Variants in HEPHL1 observed in about 807,000 individuals in gnomAD.
The protein encoded by HEPHL1 is hephaestin like 1.
A neutral mutation model predicts 122.0 loss-of-function variants in HEPHL1; 123 were observed. The ratio of observed to expected loss-of-function variants is 1.01; its 90% CI spans 0.87 to 1.17. The LOEUF (loss-of-function observed/expected upper bound fraction) is 1.17. HEPHL1 is among the 50% of genes most tolerant of loss of function. The pLI is 0.00. For synonymous variants in HEPHL1, 527 were observed against 508.9 expected, an observed-to-expected ratio of 1.04 and a Z score of -0.48; for missense variants, 1,452 against 1,430.5, an observed-to-expected ratio of 1.01 and a Z score of -0.24.
rs1273899157 is a variant in HEPHL1 at position 94,093,505 on chromosome 11, G to A, written c.2299G>A (p.Gly767Arg). Residue 767 changes from glycine to arginine, a missense_variant, in exon 13 of 20, where the codon GGA (glycine) becomes AGA (arginine). By Grantham distance (125) the Gly-to-Arg change is moderately radical. Transcript: ENST00000315765. ...TCTGATGCTTCTGATTTGCAGACAT[G>A]GAGATATATTTATGAACCGCACTGA... ...QHVDARGERHGDIFMNRTENW... is the reference protein window; with the variant it reads ...QHVDARGERHRDIFMNRTENW... 6.2e-7 allele frequency: 1 copy of A among 1,613,364 alleles called. No individual in the cohort carries two copies. The highest frequency in any genetic ancestry group is 1.1e-5 in the South Asian group (1 of 90,960).
At chr11:94,107,573 A>G (rs1277022948) in intron 17 of HEPHL1, among the ~76,000 whole-genome samples, 1 of 152,116 alleles carries the variant, frequency 6.6e-6, no homozygotes, top group African/African-American at 2.4e-5. Flanking sequence ...ACTTCCCCAT[A>G]CTTAACACTT....
intron 13 of HEPHL1, among the ~76,000 whole-genome samples, chr11:94,097,389 T>G (rs1325550365): frequency 1.3e-5 from 2 of 152,208 alleles, no homozygotes; most frequent in Non-Finnish European, 2.9e-5. Context: ...AGACAGTTTG[T>G]TATAATTTCT....
chr11:94,036,238 T>A (rs1945721686), intron 1 of HEPHL1, among the ~76,000 whole-genome samples: 1 of 152,054 alleles, frequency 6.6e-6, no homozygotes, highest in Admixed American at 6.6e-5. Flanking sequence ...CTGGACAGAA[T>A]AGGAATTCAA....
At position 94,086,077 on chromosome 11, in the gene HEPHL1, G is replaced by A. The variant is rs1946215191; in HGVS notation, c.1968G>A (p.Met656Ile). Residue 656 changes from methionine to isoleucine, a missense_variant, in exon 11 of 20, where the codon ATG becomes ATA. Coordinates refer to ENST00000315765, the MANE Select transcript of HEPHL1 (RefSeq NM_001098672.2). The stretch of plus-strand genomic sequence containing the variant: ...TTGGATTGGGCACTGACACTGACAT[G>A]CATGGAATTGTTTTTCAAGGGAACA... ...HLIGLGTDTDMHGIVFQGNTI... is the reference protein window; with the variant it reads ...HLIGLGTDTDIHGIVFQGNTI... 26 of 1,613,762 alleles carry A rather than the reference G, an allele frequency of 1.6e-5. No individual in the cohort carries two copies. Among genetic ancestry groups the A allele is most frequent in the Non-Finnish European group, 2.2e-5 (26 of 1,179,788 alleles).
At chr11:94,105,919 C>A in intron 16 of HEPHL1, 72 bp from the exon 17 acceptor site, 3 of 1,054,286 alleles carry the variant, frequency 2.8e-6, no homozygotes, top group Non-Finnish European at 4.0e-6. Context: ...ACCTAAAGAT[C>A]TTCTGGAAAC....
intron 1 of HEPHL1, among the ~76,000 whole-genome samples, chr11:94,032,432 G>C (rs1268386925): frequency 6.6e-6 from 1 of 152,170 alleles, no homozygotes; most frequent in Non-Finnish European, 1.5e-5. Context: ...TTTTTAGCTT[G>C]ACTTTTAAAC....
At chr11:94,084,781 A>AT (rs200433965) in intron 10 of HEPHL1, among the ~76,000 whole-genome samples, 3,310 of 151,810 alleles carry the variant, frequency 0.022, 64 homozygotes, top group South Asian at 0.038. Flanking sequence ...ATTATCAAAG[A>AT]TTTTTTTTTC....
intron 2 of HEPHL1, among the ~76,000 whole-genome samples, chr11:94,052,196 G>A (rs1945896281): frequency 6.6e-6 from 1 of 151,682 alleles, no homozygotes; most frequent in Non-Finnish European, 1.5e-5. Context: ...TATTTTGATA[G>A]GGATTGCTTT....
chr11:94,078,874 C>T (rs1363672073), intron 9 of HEPHL1, among the ~76,000 whole-genome samples: 1 of 152,050 alleles, frequency 6.6e-6, no homozygotes, highest in Admixed American at 6.6e-5. Context: ...TCAGAAACAT[C>T]CAGGATAATG....
intron 6 of HEPHL1, 48 bp downstream of exon 6, chr11:94,070,590 G>A (rs1946067400): frequency 1.4e-6 from 2 of 1,469,182 alleles, no homozygotes; most frequent in Non-Finnish European, 1.9e-6. Flanking sequence ...AGAGAAGCAT[G>A]TGTTAGGCTT....
intron 1 of HEPHL1, among the ~76,000 whole-genome samples, chr11:94,044,700 TCTC>T (rs1945817464): frequency 6.6e-6 from 1 of 151,780 alleles, no homozygotes; most frequent in Admixed American, 6.6e-5. Flanking sequence ...CAATCCTACT[TCTC>T]CTTAATTCTT....
At chr11:94,080,211 A>G (rs1946159432) in intron 9 of HEPHL1, among the ~76,000 whole-genome samples, 1 of 152,240 alleles carries the variant, frequency 6.6e-6, no homozygotes, top group African/African-American at 2.4e-5. Flanking sequence ...TTCCCTATTT[A>G]ATAAGTGATG....
chr11:94,090,371 G>A (rs1946256046), intron 12 of HEPHL1, among the ~76,000 whole-genome samples: 1 of 152,184 alleles, frequency 6.6e-6, no homozygotes, highest in Non-Finnish European at 1.5e-5. Flanking sequence ...GCCCATGAAT[G>A]TATAAAAATA....
At chr11:94,084,712 T>A (rs1347431874) in intron 10 of HEPHL1, among the ~76,000 whole-genome samples, 1 of 152,222 alleles carries the variant, frequency 6.6e-6, no homozygotes. Flanking sequence ...CACCTTGATT[T>A]ATACTCAGAT....
At position 94,104,741 on chromosome 11, in the gene HEPHL1, A is replaced by C; in HGVS notation, c.2896A>C (p.Arg966=). 3.1e-6 allele frequency: 5 copies of C among 1,611,268 alleles called. No homozygotes were observed. The highest frequency in any genetic ancestry group is 4.2e-6 in the Non-Finnish European group (5 of 1,177,454). The change falls in exon 16 of 20, where the codon AGA becomes CGA. Residue 966 remains arginine (R), a synonymous_variant. Coordinates refer to ENST00000315765, the MANE Select transcript of HEPHL1 (RefSeq NM_001098672.2). ...CACTGATGATTTTGAGGAAAGCAAC[A>C]GAATGCATGGTATATCCAAAGTTTA... ...KRTDDFEESN[R]MHAINGKIFG... is the part of the protein sequence containing the mutation.
Position 94,045,846 on chromosome 11 carries a change from AT to A in HEPHL1, c.347del (p.Leu116Ter). ...RAEVGDVIVI[H>X]LKNFASRPYS... ...GAAGTGGGTGATGTGATTGTCATTC[AT>A]TTAAAGAACTTTGCTTCTCGACCTT... On this transcript the variant is annotated frameshift_variant, in exon 2 of 20. Transcript: ENST00000315765. LOFTEE classifies it high-confidence loss of function. 6.2e-7 allele frequency: 1 copy of A among 1,613,860 alleles called. No individual in the cohort carries two copies. Among genetic ancestry groups the A allele is most frequent in the South Asian group, 1.1e-5 (1 of 91,066 alleles).
At position 94,110,947 on chromosome 11, in the gene HEPHL1, G is replaced by A. The variant is rs540054496; in HGVS notation, c.3090G>A (p.Gly1030=). 12 of 1,612,948 alleles carry A rather than the reference G, an allele frequency of 7.4e-6. No individual in the cohort carries two copies. In the South Asian group the frequency reaches 1.1e-4, roughly 15 times the overall value. Residue 1030 remains glycine (G), a synonymous_variant, in exon 18 of 20, where the codon GGG becomes GGA. Transcript: ENST00000315765. ...YREDVYDLFP[G]TFQTIELFAD... is the part of the protein sequence containing the mutation. ...AAGATGTGTATGATCTCTTTCCTGG[G>A]ACATTCCAAACCATTGAACTGTTTG...
intron 1 of HEPHL1, among the ~76,000 whole-genome samples, chr11:94,027,818 C>T (rs1446848425): frequency 6.6e-6 from 1 of 152,100 alleles, no homozygotes; most frequent in Non-Finnish European, 1.5e-5. Context: ...ATAGGTGGTG[C>T]CAGGGACCCA....
intron 11 of HEPHL1, among the ~76,000 whole-genome samples, chr11:94,087,966 A>G (rs1187403842): frequency 2.6e-5 from 4 of 152,238 alleles, no homozygotes; most frequent in Non-Finnish European, 4.4e-5. Flanking sequence ...AGAGGCTACT[A>G]GAGAAAGGGG....
Sources: allele counts gnomAD v4.1 joint callset (sites outside exome capture counted in the v4.1 genomes callset), GRCh38; gene constraint gnomAD v4.1.1; transcripts MANE v1.5; gene names NCBI Gene and HGNC (gene_info 2026-07-23, HGNC 2026-07-21).